Variants in GRM1 observed in about 807,000 individuals in gnomAD.
The protein encoded by GRM1 is metabotropic glutamate receptor 1.
A neutral mutation model predicts 90.9 loss-of-function variants in GRM1; 33 were observed. That is an observed-to-expected ratio of 0.36 (90% CI 0.28 to 0.49). The LOEUF (loss-of-function observed/expected upper bound fraction) is 0.49, where lower values mean the gene tolerates loss of function less well. Ranked by LOEUF, GRM1 falls within the 20% of genes least tolerant of loss-of-function variation. The pLI, the probability that GRM1 is intolerant of heterozygous loss-of-function variation, is 0.99. For missense variants in GRM1, 1,190 were observed against 1,534.3 expected (o/e 0.78, Z 3.75); for synonymous variants, 700 against 613.2 (o/e 1.14, Z -2.09).
chr6:146,372,520 G>T (rs1000443201), intron 5 of GRM1, among the ~76,000 whole-genome samples: 1 of 151,878 alleles, frequency 6.6e-6, no homozygotes. Flanking sequence ...GTGGGGTATT[G>T]CTCAAGAAAT....
At chr6:146,062,554 T>A (rs570533883) in intron 1 of GRM1, among the ~76,000 whole-genome samples, 297 of 146,484 alleles carry the variant, frequency 2.0e-3, no homozygotes, top group African/African-American at 6.9e-3. Flanking sequence ...TTTTAAGAAT[T>A]CAGGATGTTT....
chr6:146,363,893 A>G (rs536909660), intron 5 of GRM1, among the ~76,000 whole-genome samples: 16 of 152,358 alleles, frequency 1.1e-4, no homozygotes, highest in Non-Finnish European at 2.4e-4. Context: ...CCATTTCCTG[A>G]TAAGAGCTAC....
At chr6:146,419,819 C>T (rs1037686929) in intron 7 of GRM1, among the ~76,000 whole-genome samples, 5 of 152,170 alleles carry the variant, frequency 3.3e-5, no homozygotes, top group Admixed American at 1.3e-4. Context: ...AGGGGGAAGC[C>T]TGCTTCCGTG....
intron 2 of GRM1, among the ~76,000 whole-genome samples, chr6:146,252,466 T>C (rs1449425379): frequency 6.6e-6 from 1 of 151,972 alleles, no homozygotes; most frequent in East Asian, 1.9e-4. Flanking sequence ...GGTGAAACTC[T>C]ATCTCTACTA....
chr6:146,322,370 G>A (rs1784224449), intron 3 of GRM1, among the ~76,000 whole-genome samples: 2 of 152,140 alleles, frequency 1.3e-5, no homozygotes, highest in Admixed American at 6.5e-5. Context: ...AGGCATGGGG[G>A]TCCGGGACCC....
intron 7 of GRM1, chr6:146,426,683 T>G: frequency 1.0e-6 from 1 of 971,402 alleles, no homozygotes; most frequent in Non-Finnish European, 1.6e-6. Flanking sequence ...TTTTGCCCCT[T>G]GCTTTCTCTC....
At chr6:146,340,563 T>C (rs1784936817) in intron 3 of GRM1, 1 of 152,314 alleles carries the variant, frequency 6.6e-6, no homozygotes, top group African/African-American at 2.4e-5. Context: ...TTGTTTTTTT[T>C]GAGACAAAGT....
chr6:146,316,814 G>A (rs564259766), intron 3 of GRM1, among the ~76,000 whole-genome samples: 1 of 152,236 alleles, frequency 6.6e-6, no homozygotes, highest in Admixed American at 6.5e-5. Flanking sequence ...GGGCCAGGCG[G>A]CTGTCTGCCT....
chr6:146,142,953 C>G (rs543119102), intron 1 of GRM1, among the ~76,000 whole-genome samples: 1 of 152,162 alleles, frequency 6.6e-6, no homozygotes, highest in Non-Finnish European at 1.5e-5. Flanking sequence ...CTGCTTTTCT[C>G]AAAGAAAGTA....
rs150983366 is a variant in GRM1 at position 146,134,716 on chromosome 6, G to A, written c.701-24632G>A. 3.0e-3 allele frequency among the ~76,000 whole-genome samples: 460 copies of A among 152,236 alleles called. 1 individual carries two copies. Among genetic ancestry groups the A allele is most frequent in the African/African-American group, 0.011 (443 of 41,534 alleles). On this transcript the variant is annotated intron_variant, in intron 1 of 7. Transcript: ENST00000282753. ...GAGGCCATGGCGGGTGGATCATGAG[G>A]TCAGAATATTGAGACCATCCTGACT...
chr6:146,185,827 C>G (rs2114562174), intron 2 of GRM1, among the ~76,000 whole-genome samples: 1 of 152,300 alleles, frequency 6.6e-6, no homozygotes, highest in Admixed American at 6.5e-5. Context: ...ATTGCAGATA[C>G]TTTGAGCCAC....
chr6:146,304,603 T>A lies in GRM1; in HGVS notation c.951-8T>A, dbSNP rs752453887. On this transcript the variant is annotated splice_polypyrimidine_tract_variant and splice_region_variant and intron_variant, in intron 2 of 7. Coordinates refer to ENST00000282753, the MANE Select transcript of GRM1 (RefSeq NM_001278064.2). ...CTCTCTCCCTACCCCAATCCCTGCA[T>A]TTTTTAGTGATGGATGGGCAGACAG... 1.5e-5 allele frequency: 24 copies of A among 1,591,808 alleles called. No individual in the cohort carries two copies. The Admixed American group carries it at 2.2e-4, about 14-fold the overall frequency.
chr6:146,416,879 T>G (rs1259516213), intron 7 of GRM1, among the ~76,000 whole-genome samples: 1 of 152,192 alleles, frequency 6.6e-6, no homozygotes, highest in Non-Finnish European at 1.5e-5. Flanking sequence ...AGCAGCTTAC[T>G]GCTTAGTTTT....
Position 146,374,921 on chromosome 6 carries a change from T to C in GRM1, c.1603-11969T>C, listed in dbSNP as rs184475390. Among the ~76,000 whole-genome samples, 264 of 152,164 alleles carry C rather than the reference T, an allele frequency of 1.7e-3. 1 individual carries two copies. Among genetic ancestry groups the C allele is most frequent in the African/African-American group, 6.3e-3 (260 of 41,578 alleles). ...CTTCTACTAATATTGGCTTTGGTTT[T>C]CTCTTGCTTTTTTAGTTCCTTAAGA... On this transcript the variant is annotated intron_variant, in intron 5 of 7. Coordinates refer to ENST00000282753, the MANE Select transcript of GRM1 (RefSeq NM_001278064.2).
intron 2 of GRM1, among the ~76,000 whole-genome samples, chr6:146,180,069 T>A (rs1004859108): frequency 1.3e-5 from 2 of 151,968 alleles, no homozygotes; most frequent in African/African-American, 2.4e-5. Flanking sequence ...TGCTTGAACC[T>A]GGGAGGTCAA....
At chr6:146,184,673 T>G (rs765955512) in intron 2 of GRM1, among the ~76,000 whole-genome samples, 2 of 152,140 alleles carry the variant, frequency 1.3e-5, no homozygotes, top group Non-Finnish European at 2.9e-5. Flanking sequence ...TAAAAAACAA[T>G]CTTAACATTC....
At chr6:146,122,330 C>A (rs961071739) in intron 1 of GRM1, among the ~76,000 whole-genome samples, 1 of 151,988 alleles carries the variant, frequency 6.6e-6, no homozygotes, top group African/African-American at 2.4e-5. Flanking sequence ...TTCTCCTTAT[C>A]TTTGGAGTTT....
chr6:146,319,897 A>G (rs1784109745), intron 3 of GRM1, among the ~76,000 whole-genome samples: 1 of 152,220 alleles, frequency 6.6e-6, no homozygotes, highest in Non-Finnish European at 1.5e-5. Context: ...ATATACAATC[A>G]TGTCATCTGC....
chr6:146,246,622 T>G (rs761556967), intron 2 of GRM1, among the ~76,000 whole-genome samples: 15 of 152,214 alleles, frequency 9.9e-5, no homozygotes, highest in Non-Finnish European at 1.9e-4. Context: ...CACAGTCTGT[T>G]TCATATCTGC....
Sources: gnomAD v4.1 joint callset for allele counts (sites outside exome capture counted in the v4.1 genomes callset) on GRCh38, gnomAD v4.1.1 for gene constraint, MANE v1.5 for transcripts, NCBI Gene and HGNC (gene_info 2026-07-23, HGNC 2026-07-21) for gene names.